Variants in ASAP3 observed in about 807,000 individuals in gnomAD.
ASAP3 encodes the protein ArfGAP with SH3 domain, ankyrin repeat and PH domain 3.
A neutral mutation model predicts 118.2 loss-of-function variants in ASAP3; 85 were observed. That is an observed-to-expected ratio of 0.72 (90% CI 0.60 to 0.86). The LOEUF (loss-of-function observed/expected upper bound fraction) is 0.86, where lower values mean the gene tolerates loss of function less well. Among genes scored for constraint, ASAP3 ranks in the 40% least tolerant of loss-of-function variants. The probability of loss-of-function intolerance (pLI) is 0.00; values close to 1 mark genes in which losing one functional copy is unlikely to be tolerated. For synonymous variants in ASAP3, 432 were observed against 477.4 expected (o/e 0.90, Z 1.24); for missense variants, 1,026 against 1,175.0 (o/e 0.87, Z 1.85).
chr1:23,444,454 G>C (rs1640982621), intron 5 of ASAP3, among the ~76,000 whole-genome samples: 1 of 152,222 alleles, frequency 6.6e-6, no homozygotes, highest in Non-Finnish European at 1.5e-5. Context: ...GAGCAGAGAA[G>C]ACAAAGACAG....
At chr1:23,435,109 C>A (rs1159232841) in intron 17 of ASAP3, among the ~76,000 whole-genome samples, 1 of 152,214 alleles carries the variant, frequency 6.6e-6, no homozygotes, top group Non-Finnish European at 1.5e-5. Flanking sequence ...CTCTCTGTAG[C>A]CTCAACCTCC....
At position 23,470,054 on chromosome 1, in the gene ASAP3, A is replaced by C. The variant is rs556313910; in HGVS notation, c.130-13860T>G. 4.6e-5 allele frequency among the ~76,000 whole-genome samples: 7 copies of C among 152,352 alleles called. No individual in the cohort carries two copies. The South Asian group carries it at 1.4e-3, about 32-fold the overall frequency. On this transcript the variant is annotated intron_variant, in intron 1 of 24. Transcript: ENST00000336689. ...CTACTGCATATAGAACAAGGCCATG[A>C]GACCAAGAGCCCTGAACTGGAAAGT...
At chr1:23,482,239 T>C (rs1642328554) in intron 1 of ASAP3, among the ~76,000 whole-genome samples, 1 of 152,214 alleles carries the variant, frequency 6.6e-6, no homozygotes, top group Non-Finnish European at 1.5e-5. Flanking sequence ...TCAAGAGGCA[T>C]GGGCCAGTGC....
intron 5 of ASAP3, among the ~76,000 whole-genome samples, chr1:23,446,398 A>G (rs991119184): frequency 6.6e-6 from 1 of 151,464 alleles, no homozygotes; most frequent in Non-Finnish European, 1.5e-5. Context: ...AAAATATTAA[A>G]TGGAAAATTC....
intron 9 of ASAP3, 88 bp from the exon 10 acceptor site, chr1:23,441,299 A>G (rs1367877149): frequency 1.2e-6 from 2 of 1,603,988 alleles, no homozygotes; most frequent in Non-Finnish European, 1.7e-6. Flanking sequence ...AGACTTCTCC[A>G]GGGGACCCTG....
chr1:23,451,638 C>T, intron 4 of ASAP3, 110 bp from the exon 5 acceptor site: 1 of 1,233,702 alleles, frequency 8.1e-7, no homozygotes, highest in Non-Finnish European at 1.2e-6. Flanking sequence ...CTGAGCTGCT[C>T]AGAGCCCTTC....
intron 1 of ASAP3, among the ~76,000 whole-genome samples, chr1:23,468,361 AG>A (rs1641843731): frequency 6.6e-6 from 1 of 152,228 alleles, no homozygotes; most frequent in South Asian, 2.1e-4. Flanking sequence ...AATAAGACAC[AG>A]AACCCTTTAA....
At chr1:23,431,332 C>T (rs1489514673) in intron 23 of ASAP3, among the ~76,000 whole-genome samples, 3 of 152,212 alleles carry the variant, frequency 2.0e-5, no homozygotes, top group Admixed American at 2.0e-4. Flanking sequence ...CTACTTCTCC[C>T]CAAACTCCAG....
At chr1:23,442,989 G>A (rs868660592) in intron 5 of ASAP3, among the ~76,000 whole-genome samples, 2 of 152,160 alleles carry the variant, frequency 1.3e-5, no homozygotes, top group African/African-American at 4.8e-5. Context: ...GGAGAGGGCT[G>A]GTGCCAGCTA....
At chr1:23,441,797 G>A in intron 7 of ASAP3, 67 bp from the exon 8 acceptor site, 3 of 1,556,992 alleles carry the variant, frequency 1.9e-6, no homozygotes, top group East Asian at 2.2e-5. Context: ...AGCCAGAAGT[G>A]TGGGAGAAGC....
At position 23,436,898 on chromosome 1, in the gene ASAP3, GC is replaced by G; in HGVS notation, c.1476+12del. On this transcript the variant is annotated intron_variant, in intron 15 of 24. Coordinates refer to ENST00000336689, the MANE Select transcript of ASAP3 (RefSeq NM_017707.4). The surrounding 1 kb of genome is among the most constrained non-coding windows in gnomAD (Gnocchi z 4.2). ...CCGCTTCTGGCCCCTTCCAGGCCCC[GC>G]CCCGCCCTCACCAACAACTCGGAGG... 2 of 1,597,538 alleles carry G rather than the reference GC, an allele frequency of 1.3e-6. No individual in the cohort carries two copies. Among genetic ancestry groups the G allele is most frequent in the Non-Finnish European group, 1.7e-6 (2 of 1,172,620 alleles).
chr1:23,442,525 G>A lies in ASAP3; in HGVS notation c.561C>T (p.Arg187=), dbSNP rs542318171. ...EVAQDMQRER[R]IFQLHMCEYL... ...CCTCACACATGTGCAGCTGGAAGATGCGCCGCTCTCTCTGCATGTCCTGGG... is the reference window on the plus strand; with the variant it reads ...CCTCACACATGTGCAGCTGGAAGATACGCCGCTCTCTCTGCATGTCCTGGG... Residue 187 remains arginine (R), a synonymous_variant, in exon 6 of 25, where the codon CGC becomes CGT. Transcript: ENST00000336689. 6.2e-7 allele frequency: 1 copy of A among 1,613,980 alleles called. No homozygotes were observed. The highest frequency in any genetic ancestry group is 1.3e-5 in the African/African-American group (1 of 74,994).
chr1:23,428,885 G>A lies in ASAP3; in HGVS notation c.*971C>T, dbSNP rs1212773418. ...AGCAATGATAGAATTTCTAGGGCTG[G>A]GAAGCAGAACCCTTAAGTCTCTGCC... On this transcript the variant is annotated 3_prime_UTR_variant, in exon 25 of 25. Transcript: ENST00000336689. 1 of 154,740 alleles carries A rather than the reference G, an allele frequency of 6.5e-6. No homozygotes were observed. Among genetic ancestry groups the A allele is most frequent in the Non-Finnish European group, 1.5e-5 (1 of 68,214 alleles). The allele number at this position is 154,740 out of a possible 1,614,324, so 9.6% of individuals were successfully genotyped here.
rs1452567004 is a variant in ASAP3, at chr1:23,436,384, A to G, written c.1571+176T>C. On this transcript the variant is annotated intron_variant, in intron 16 of 24. Coordinates refer to ENST00000336689, the MANE Select transcript of ASAP3 (RefSeq NM_017707.4). The surrounding 1 kb of genome is among the most constrained non-coding windows in gnomAD (Gnocchi z 4.2). ...TGCCATCTTAGCCGGGCTGGTCTCA[A>G]ATTCCTGACCTCAAGTGATCCGCCC... Among the ~76,000 whole-genome samples the G allele has an allele frequency of 6.6e-6, 1 of 152,160 alleles. No individual in the cohort carries two copies. Among genetic ancestry groups the G allele is most frequent in the Non-Finnish European group, 1.5e-5 (1 of 68,030 alleles).
At chr1:23,471,843 C>CA (rs1641970119) in intron 1 of ASAP3, among the ~76,000 whole-genome samples, 1 of 152,212 alleles carries the variant, frequency 6.6e-6, no homozygotes, top group South Asian at 2.1e-4. Flanking sequence ...AATAACTGGA[C>CA]AGGCCCTGTG....
At chr1:23,442,781 G>A (rs1640919443) in intron 5 of ASAP3, 169 bp from the exon 6 acceptor site, 4 of 1,049,080 alleles carry the variant, frequency 3.8e-6, no homozygotes, top group Non-Finnish European at 5.3e-6. Flanking sequence ...CCACAGAGTG[G>A]TGGGGGAGAA....
At chr1:23,458,536 A>G (rs1432431232) in intron 1 of ASAP3, among the ~76,000 whole-genome samples, 1 of 151,922 alleles carries the variant, frequency 6.6e-6, no homozygotes, top group Non-Finnish European at 1.5e-5. Flanking sequence ...GGAGGTCAAA[A>G]CTGCAGTGAG....
intron 5 of ASAP3, among the ~76,000 whole-genome samples, chr1:23,444,146 G>C (rs929677436): frequency 2.6e-5 from 4 of 152,172 alleles, no homozygotes. Flanking sequence ...TGAAATTACA[G>C]GCATGAGCCA....
chr1:23,456,170 G>A lies in ASAP3; in HGVS notation c.154C>T (p.Leu52=), dbSNP rs1257810793. ...CGCACAGCCTTCTTTATTCTCTGCA[G>A]GATGGCTTGGTCTCCTTCCAAGATC... ...EEILEGDQAI[L]QRIKKAVRAI... The change falls in exon 2 of 25, where the codon CTG becomes TTG. Residue 52 remains leucine (L), a synonymous_variant. Transcript: ENST00000336689. The A allele has an allele frequency of 6.2e-7, 1 of 1,614,018 alleles. No homozygotes were observed. Among genetic ancestry groups the A allele is most frequent in the African/African-American group, 1.3e-5 (1 of 74,904 alleles).
Sources: gnomAD v4.1 joint callset for allele counts (sites outside exome capture counted in the v4.1 genomes callset) on GRCh38, gnomAD v4.1.1 for gene constraint, Gnocchi (gnomAD v3.1) non-coding constraint, MANE v1.5 for transcripts, NCBI Gene and HGNC (gene_info 2026-07-23, HGNC 2026-07-21) for gene names.